MYO10: variants seen among roughly 807,000 people sequenced by gnomAD.
MYO10 encodes the protein myosin X.
Under a neutral mutation model 257.3 loss-of-function variants are expected in MYO10, and 133 were observed. That is an observed-to-expected ratio of 0.52 (90% CI 0.45 to 0.60). The LOEUF is 0.60. MYO10 is among the 20% of genes least tolerant of loss of function. The pLI is 0.00. For synonymous variants in MYO10, 1,104 were observed against 1,028.6 expected, an observed-to-expected ratio of 1.07 and a Z score of -1.40; for missense variants, 2,399 against 2,635.7, an observed-to-expected ratio of 0.91 and a Z score of 1.97.
At chr5:16,667,084 G>A (rs187031933) in intron 40 of MYO10, among the ~76,000 whole-genome samples, 89 of 152,328 alleles carry the variant, frequency 5.8e-4, no homozygotes, top group Non-Finnish European at 2.2e-4. Context: ...ACTAACCGAG[G>A]ACGCTGAAGT....
At chr5:16,778,470 A>G (rs1011028137) in intron 9 of MYO10, among the ~76,000 whole-genome samples, 3 of 152,106 alleles carry the variant, frequency 2.0e-5, no homozygotes, top group African/African-American at 7.2e-5. Flanking sequence ...GAATGTTTAC[A>G]TTAGATGCTT....
chr5:16,825,099 C>T (rs925076390), intron 2 of MYO10, among the ~76,000 whole-genome samples: 1 of 151,984 alleles, frequency 6.6e-6, no homozygotes, highest in African/African-American at 2.4e-5. Context: ...CAATATGGTC[C>T]ACACTATCTC....
intron 4 of MYO10, among the ~76,000 whole-genome samples, chr5:16,788,102 C>T (rs543944182): frequency 6.6e-6 from 1 of 152,268 alleles, no homozygotes; most frequent in East Asian, 1.9e-4. Context: ...AAGAATCATT[C>T]TGACTGTTGC....
chr5:16,816,472 A>G (rs1742612772), intron 3 of MYO10, among the ~76,000 whole-genome samples: 1 of 151,646 alleles, frequency 6.6e-6, no homozygotes, highest in South Asian at 2.1e-4. Context: ...AATTGGAAGA[A>G]CCTGAATATT....
At chr5:16,780,940 G>T (rs975386767) in intron 6 of MYO10, among the ~76,000 whole-genome samples, 199 bp from the exon 7 acceptor site, 18 of 151,936 alleles carry the variant, frequency 1.2e-4, no homozygotes, top group Non-Finnish European at 5.9e-5. Flanking sequence ...CCTGACACAT[G>T]GTACCCTGTC....
At chr5:16,690,530 A>G (rs1354617934) in intron 27 of MYO10, among the ~76,000 whole-genome samples, 1 of 152,222 alleles carries the variant, frequency 6.6e-6, no homozygotes, top group East Asian at 1.9e-4. Context: ...CTCCCCTCAC[A>G]CTGGTCTGCC....
At chr5:16,914,445 T>A (rs1226394639) in intron 1 of MYO10, among the ~76,000 whole-genome samples, 1 of 152,224 alleles carries the variant, frequency 6.6e-6, no homozygotes, top group Non-Finnish European at 1.5e-5. Context: ...AACAGATCAA[T>A]ATGCCCCATG....
intron 16 of MYO10, 128 bp downstream of exon 16, chr5:16,761,917 T>C: frequency 1.0e-6 from 1 of 981,066 alleles, no homozygotes; most frequent in Non-Finnish European, 1.5e-6. Flanking sequence ...CCTCCCAAAG[T>C]ACTGGGACTG....
intron 1 of MYO10, among the ~76,000 whole-genome samples, chr5:16,896,096 G>A (rs866104743): frequency 1.3e-5 from 2 of 152,318 alleles, no homozygotes; most frequent in Middle Eastern, 3.4e-3. Flanking sequence ...ATGGAAGGAA[G>A]GAAACTACAA....
chr5:16,675,381 A>T (rs1736678402), intron 34 of MYO10, among the ~76,000 whole-genome samples: 1 of 152,202 alleles, frequency 6.6e-6, no homozygotes, highest in African/African-American at 2.4e-5. Context: ...ATGCTTACTT[A>T]AAAGGTAATC....
chr5:16,810,729 C>G (rs1484541689), intron 3 of MYO10, among the ~76,000 whole-genome samples: 1 of 152,096 alleles, frequency 6.6e-6, no homozygotes, highest in African/African-American at 2.4e-5. Context: ...GAACTATGAT[C>G]ACACCATTGC....
At chr5:16,912,420 C>T (rs184862897) in intron 1 of MYO10, among the ~76,000 whole-genome samples, 151 of 152,276 alleles carry the variant, frequency 9.9e-4, no homozygotes, top group African/African-American at 3.5e-3. Flanking sequence ...ACTCAGTGCA[C>T]GCACTTTCCT....
chr5:16,775,589 TTTTG>T (rs141350168), intron 9 of MYO10, among the ~76,000 whole-genome samples: 120 of 150,938 alleles, frequency 8.0e-4, no homozygotes, highest in African/African-American at 2.2e-3. Flanking sequence ...GCCTGGCCAA[TTTTG>T]TTTGTTTGTT....
intron 3 of MYO10, among the ~76,000 whole-genome samples, chr5:16,808,239 G>C (rs980487829): frequency 3.3e-5 from 5 of 152,164 alleles, no homozygotes; most frequent in African/African-American, 1.2e-4. Flanking sequence ...CAGGTGGGAG[G>C]ATCGCTTGAG....
intron 2 of MYO10, among the ~76,000 whole-genome samples, chr5:16,829,674 T>G (rs1370547509): frequency 6.6e-6 from 1 of 152,066 alleles, no homozygotes; most frequent in Non-Finnish European, 1.5e-5. Flanking sequence ...AGTCAAGAAG[T>G]CTGAAACATC....
At chr5:16,796,432 AAAAG>A (rs1038578265) in intron 3 of MYO10, among the ~76,000 whole-genome samples, 2 of 56,382 alleles carry the variant, frequency 3.5e-5, no homozygotes, top group African/African-American at 1.5e-4. Context: ...AAAAAGAAAG[AAAAG>A]AAAGACAGAA....
chr5:16,755,781 A>G (rs1740512226), intron 18 of MYO10, among the ~76,000 whole-genome samples: 1 of 150,618 alleles, frequency 6.6e-6, no homozygotes, highest in Non-Finnish European at 1.5e-5. Context: ...AAAGCATACA[A>G]TGAGTTCTCA....
intron 19 of MYO10, among the ~76,000 whole-genome samples, chr5:16,719,319 A>G (rs951566813): frequency 1.3e-5 from 2 of 152,146 alleles, no homozygotes; most frequent in Admixed American, 6.5e-5. Context: ...GAACCCACCA[A>G]TTCCGGACAC....
At chr5:16,894,072 ACACCTCT>A (rs1013679748) in intron 1 of MYO10, among the ~76,000 whole-genome samples, 3 of 152,334 alleles carry the variant, frequency 2.0e-5, no homozygotes, top group African/African-American at 4.8e-5. Flanking sequence ...GAGTCCCTGT[ACACCTCT>A]CACTCTGGTT....
Sources: allele counts gnomAD v4.1 joint callset (sites outside exome capture counted in the v4.1 genomes callset), GRCh38; gene constraint gnomAD v4.1.1; transcripts MANE v1.5; gene names NCBI Gene and HGNC (gene_info 2026-07-23, HGNC 2026-07-21).